Variants in TIPARP observed in about 807,000 individuals in gnomAD.
TIPARP encodes the protein TCDD inducible poly(ADP-ribose) polymerase, also known as protein mono-ADP-ribosyltransferase TIPARP.
Under a neutral mutation model 56.5 loss-of-function variants are expected in TIPARP, and 12 were observed. The ratio of observed to expected loss-of-function variants is 0.21; its 90% CI spans 0.14 to 0.34. The LOEUF is 0.34. Among genes scored for constraint, TIPARP ranks in the 10% least tolerant of loss-of-function variants. TIPARP has a pLI of 1.00. For missense variants in TIPARP, 604 were observed against 781.6 expected, an observed-to-expected ratio of 0.77 and a Z score of 2.71; for synonymous variants, 296 against 265.7, an observed-to-expected ratio of 1.11 and a Z score of -1.11.
intron 4 of TIPARP, among the ~76,000 whole-genome samples, chr3:156,697,003 C>T (rs929764267): frequency 2.0e-5 from 3 of 151,986 alleles, no homozygotes; most frequent in Admixed American, 6.6e-5. Flanking sequence ...ACAGTAAAAA[C>T]AAAATACAAA....
At chr3:156,680,510 C>T (rs1267204710) in intron 2 of TIPARP, among the ~76,000 whole-genome samples, 2 of 152,158 alleles carry the variant, frequency 1.3e-5, no homozygotes, top group Non-Finnish European at 2.9e-5. Context: ...TCCCACTTCA[C>T]CTTCATGAAG....
intron 2 of TIPARP, among the ~76,000 whole-genome samples, chr3:156,691,515 G>C (rs182700608): frequency 1.3e-5 from 2 of 152,244 alleles, no homozygotes; most frequent in South Asian, 2.1e-4. Context: ...TTGCCCAGTA[G>C]AGCCCACCAT....
chr3:156,684,508 C>A (rs530283287), intron 2 of TIPARP, among the ~76,000 whole-genome samples: 63 of 152,240 alleles, frequency 4.1e-4, no homozygotes, highest in African/African-American at 1.5e-3. Flanking sequence ...ATCTCGGCTC[C>A]TGCAACCTCC....
intron 4 of TIPARP, among the ~76,000 whole-genome samples, chr3:156,702,262 G>T (rs1447435626): frequency 6.6e-6 from 1 of 152,078 alleles, no homozygotes; most frequent in Non-Finnish European, 1.5e-5. Context: ...TTCTGTCTTC[G>T]CTCTTTGCTA....
intron 2 of TIPARP, among the ~76,000 whole-genome samples, chr3:156,691,417 T>C (rs1436155767): frequency 6.6e-6 from 1 of 152,222 alleles, no homozygotes; most frequent in Non-Finnish European, 1.5e-5. Context: ...TAGGCAGATG[T>C]ACTGCTTCTT....
At chr3:156,690,444 CAGATATTTGTTGAATA>C (rs1722540836) in intron 2 of TIPARP, among the ~76,000 whole-genome samples, 1 of 152,060 alleles carries the variant, frequency 6.6e-6, no homozygotes, top group African/African-American at 2.4e-5. Context: ...TTGGTATGTG[CAGATATTTGTTGAATA>C]AGAGGAGAAC....
intron 2 of TIPARP, among the ~76,000 whole-genome samples, chr3:156,686,109 G>A (rs546808347): frequency 4.6e-5 from 7 of 152,310 alleles, no homozygotes; most frequent in Admixed American, 4.6e-4. Context: ...AATCTGTGCA[G>A]AGTATGTGAA....
At chr3:156,703,788 C>T in intron 5 of TIPARP, 86 bp downstream of exon 5, 2 of 1,394,712 alleles carry the variant, frequency 1.4e-6, no homozygotes. Flanking sequence ...CCGAGGCGGG[C>T]AGATTACGAG....
chr3:156,682,539 T>C (rs919452144), intron 2 of TIPARP, among the ~76,000 whole-genome samples: 1 of 152,234 alleles, frequency 6.6e-6, no homozygotes, highest in African/African-American at 2.4e-5. Flanking sequence ...TGTATATTAA[T>C]GATCATAAAA....
intron 4 of TIPARP, among the ~76,000 whole-genome samples, chr3:156,701,857 C>T (rs183199319): frequency 2.0e-5 from 3 of 152,226 alleles, no homozygotes; most frequent in Admixed American, 6.5e-5. Context: ...GCCCTGGATC[C>T]ACCCATCCAT....
chr3:156,691,917 A>G (rs1296481135), intron 2 of TIPARP, among the ~76,000 whole-genome samples: 1 of 152,200 alleles, frequency 6.6e-6, no homozygotes, highest in Non-Finnish European at 1.5e-5. Context: ...TGACATGCAC[A>G]GAGAATGTAG....
chr3:156,701,413 C>G (rs1482783838), intron 4 of TIPARP, among the ~76,000 whole-genome samples: 1 of 151,966 alleles, frequency 6.6e-6, no homozygotes, highest in Non-Finnish European at 1.5e-5. Flanking sequence ...GAGAATCTTA[C>G]CTTTTTCTTT....
chr3:156,695,500 A>T (rs1722690550), intron 3 of TIPARP, among the ~76,000 whole-genome samples: 1 of 152,048 alleles, frequency 6.6e-6, no homozygotes. Flanking sequence ...AGTGGCTCAC[A>T]GGCGTGAGCC....
Position 156,703,371 on chromosome 3 carries a change from G to A in TIPARP, c.1248-53G>A, listed in dbSNP as rs1577043379. 4 of 1,558,348 alleles carry A rather than the reference G, an allele frequency of 2.6e-6. No homozygotes were observed. The Admixed American group carries it at 7.0e-5, about 27-fold the overall frequency. ...ACTGATATAGATCACTATAATGTGA[G>A]GTGTACTTATTTCTTAATGTTTTAC... On this transcript the variant is annotated intron_variant, in intron 4 of 5. Coordinates refer to ENST00000295924, the MANE Select transcript of TIPARP (RefSeq NM_015508.5).
At chr3:156,681,105 G>T in intron 2 of TIPARP, 1 of 455,982 alleles carries the variant, frequency 2.2e-6, no homozygotes, top group South Asian at 1.6e-5. Flanking sequence ...ATTCCAAAGC[G>T]ATGTTGTGTT....
At chr3:156,687,792 G>A (rs542950161) in intron 2 of TIPARP, among the ~76,000 whole-genome samples, 10 of 152,240 alleles carry the variant, frequency 6.6e-5, no homozygotes, top group African/African-American at 2.2e-4. Flanking sequence ...GATGTCTAAC[G>A]ATTTATGAAT....
chr3:156,695,688 C>T (rs75363617), intron 3 of TIPARP, among the ~76,000 whole-genome samples, 177 bp from the exon 4 acceptor site: 4,855 of 152,076 alleles, frequency 0.032, 111 homozygotes, highest in Non-Finnish European at 0.048. Flanking sequence ...CATCTTTCCA[C>T]CCTACATACT....
At position 156,696,021 on chromosome 3, in the gene TIPARP, T is replaced by C; in HGVS notation, c.1243T>C (p.Leu415=). The change falls in exon 4 of 6, where the codon TTA becomes CTA. Residue 415 remains leucine (L), a synonymous_variant. Transcript: ENST00000295924. The stretch of plus-strand genomic sequence containing the variant: ...CTCCTGTTTTATACTGCTTCCATAT[T>C]TACAGTAAGTGTCGAGTATGAAGTT... ...FRSCFILLPY[L]QTLGGVPTQA... The C allele has an allele frequency of 6.2e-7, 1 of 1,606,824 alleles. No individual in the cohort carries two copies. The highest frequency in any genetic ancestry group is 1.7e-5 in the Admixed American group (1 of 58,054).
intron 2 of TIPARP, chr3:156,681,104 C>T (rs571587938): frequency 1.9e-4 from 86 of 455,710 alleles, no homozygotes; most frequent in East Asian, 1.4e-4. Flanking sequence ...TATTCCAAAG[C>T]GATGTTGTGT....
Sources: allele counts gnomAD v4.1 joint callset (sites outside exome capture counted in the v4.1 genomes callset), GRCh38; gene constraint gnomAD v4.1.1; transcripts MANE v1.5; gene names NCBI Gene and HGNC (gene_info 2026-07-23, HGNC 2026-07-21).